The following RALGPS1 variants were observed in gnomAD, a reference collection of about 807,000 sequenced individuals.
RALGPS1 encodes the protein Ral GEF with PH domain and SH3 binding motif 1.
In RALGPS1, 19 loss-of-function variants were observed where a neutral mutation model predicts 78.8. That is an observed-to-expected ratio of 0.24 (90% CI 0.17 to 0.35). The LOEUF (loss-of-function observed/expected upper bound fraction) is 0.35. Ranked by LOEUF, RALGPS1 falls within the 10% of genes least tolerant of loss-of-function variation. The pLI is 1.00. For missense variants in RALGPS1, 454 were observed against 688.3 expected, an observed-to-expected ratio of 0.66 and a Z score of 3.81; for synonymous variants, 228 against 256.3, an observed-to-expected ratio of 0.89 and a Z score of 1.06.
chr9:127,045,762 TACACACACAC>T (rs59773981), intron 5 of RALGPS1, among the ~76,000 whole-genome samples: 6,305 of 137,120 alleles, frequency 0.046, 260 homozygotes, highest in African/African-American at 0.12. Flanking sequence ...CACACACACA[TACACACACAC>T]ACACACACAC....
At chr9:126,924,473 C>A (rs1373128280) in intron 1 of RALGPS1, among the ~76,000 whole-genome samples, 1 of 152,152 alleles carries the variant, frequency 6.6e-6, no homozygotes, top group East Asian at 1.9e-4. Flanking sequence ...AACAGAGAAG[C>A]AGCCTGGTAT....
chr9:127,021,558 A>G (rs552049012), intron 4 of RALGPS1, among the ~76,000 whole-genome samples: 1 of 150,580 alleles, frequency 6.6e-6, no homozygotes, highest in Admixed American at 6.6e-5. Flanking sequence ...CTTCTGTATC[A>G]TGCAGGTTTT....
chr9:127,208,460 C>T (rs1339188102), intron 14 of RALGPS1, among the ~76,000 whole-genome samples: 4 of 152,198 alleles, frequency 2.6e-5, no homozygotes, highest in Non-Finnish European at 5.9e-5. Context: ...CAGAGTCAGA[C>T]AGTCCTGGGT....
intron 8 of RALGPS1, among the ~76,000 whole-genome samples, chr9:127,162,062 A>G (rs752760124): frequency 3.9e-5 from 6 of 152,226 alleles, no homozygotes; most frequent in Non-Finnish European, 8.8e-5. Flanking sequence ...CTCTTCAGCT[A>G]CAAAACGAGG....
At chr9:126,981,599 T>C (rs1208847806) in intron 4 of RALGPS1, among the ~76,000 whole-genome samples, 1 of 152,224 alleles carries the variant, frequency 6.6e-6, no homozygotes, top group Non-Finnish European at 1.5e-5. Context: ...GAGCATTTAC[T>C]GTGTGCAGGC....
chr9:127,161,251 A>G (rs1289567358), intron 8 of RALGPS1, among the ~76,000 whole-genome samples: 3 of 152,208 alleles, frequency 2.0e-5, no homozygotes, highest in African/African-American at 7.2e-5. Context: ...AGCTGGGCTC[A>G]TTCCTCCCAT....
chr9:127,168,528 G>C, intron 9 of RALGPS1, 151 bp from the exon 10 acceptor site: 1 of 643,640 alleles, frequency 1.6e-6, no homozygotes. Flanking sequence ...GCCAGCACAG[G>C]GCCAGTCCCC....
chr9:127,041,678 A>G (rs1007545377), intron 5 of RALGPS1, among the ~76,000 whole-genome samples: 4 of 152,194 alleles, frequency 2.6e-5, no homozygotes, highest in African/African-American at 9.7e-5. Flanking sequence ...TACAGTGACT[A>G]GAAGAGTAGG....
At chr9:126,937,347 A>G (rs2036358674) in intron 1 of RALGPS1, among the ~76,000 whole-genome samples, 1 of 152,200 alleles carries the variant, frequency 6.6e-6, no homozygotes, top group South Asian at 2.1e-4. Context: ...GAGTGGGGAA[A>G]CAAGTGCACT....
At chr9:126,925,451 G>GCT (rs2035176083) in intron 1 of RALGPS1, among the ~76,000 whole-genome samples, 1 of 151,994 alleles carries the variant, frequency 6.6e-6, no homozygotes, top group South Asian at 2.1e-4. Flanking sequence ...GGGAGGCCTA[G>GCT]GCAGGAGAAT....
chr9:127,075,303 CAA>C (rs1174148128), intron 8 of RALGPS1, among the ~76,000 whole-genome samples: 1 of 152,224 alleles, frequency 6.6e-6, no homozygotes, highest in African/African-American at 2.4e-5. Flanking sequence ...CTGACATATA[CAA>C]GTCAGAGGGA....
At chr9:127,031,392 G>A (rs1002458531) in intron 4 of RALGPS1, among the ~76,000 whole-genome samples, 4 of 152,230 alleles carry the variant, frequency 2.6e-5, no homozygotes, top group Admixed American at 6.5e-5. Flanking sequence ...AGACAGAATG[G>A]TCATACTTCT....
At chr9:127,114,285 C>T (rs182245100) in intron 8 of RALGPS1, among the ~76,000 whole-genome samples, 150 of 152,278 alleles carry the variant, frequency 9.9e-4, no homozygotes, top group Non-Finnish European at 1.8e-3. Context: ...AACAGCAAAG[C>T]TGACATTTAT....
chr9:127,115,706 C>T (rs1269854427), intron 8 of RALGPS1, among the ~76,000 whole-genome samples: 1 of 152,226 alleles, frequency 6.6e-6, no homozygotes, highest in Non-Finnish European at 1.5e-5. Context: ...ATGTTACTCA[C>T]TGTTGACTGA....
chr9:127,130,905 C>T (rs1300437379), intron 8 of RALGPS1, among the ~76,000 whole-genome samples: 1 of 152,222 alleles, frequency 6.6e-6, no homozygotes, highest in Non-Finnish European at 1.5e-5. Flanking sequence ...GCCCTGGGGA[C>T]CATGTCATTT....
intron 1 of RALGPS1, among the ~76,000 whole-genome samples, chr9:126,953,966 G>A (rs147236139): frequency 6.6e-6 from 1 of 152,264 alleles, no homozygotes; most frequent in East Asian, 1.9e-4. Context: ...GCCCCAACAT[G>A]CTGGTATCCC....
chr9:126,934,460 G>GTA (rs1286476097), intron 1 of RALGPS1, among the ~76,000 whole-genome samples: 2 of 152,168 alleles, frequency 1.3e-5, no homozygotes, highest in Non-Finnish European at 2.9e-5. Context: ...GCACCCACAG[G>GTA]TATATACTGG....
intron 11 of RALGPS1, among the ~76,000 whole-genome samples, chr9:127,180,551 C>T (rs2060148060): frequency 6.6e-6 from 1 of 152,250 alleles, no homozygotes; most frequent in South Asian, 2.1e-4. Flanking sequence ...TACAGACATA[C>T]TTCACAGGGT....
At position 127,175,514 on chromosome 9, in the gene RALGPS1, G is replaced by A. The variant is rs955519724; in HGVS notation, c.910+732G>A. On this transcript the variant is annotated intron_variant, in intron 11 of 18. Coordinates refer to ENST00000259351, the MANE Select transcript of RALGPS1 (RefSeq NM_014636.3). Reference sequence around the variant, plus strand: ...ACTCATATTCCAACTGACTCTCAACGACAGGAGCTGATCTCCACTGCTGTC... The same window carrying A: ...ACTCATATTCCAACTGACTCTCAACAACAGGAGCTGATCTCCACTGCTGTC... 4.6e-5 allele frequency among the ~76,000 whole-genome samples: 7 copies of A among 152,056 alleles called. 1 individual carries two copies. The highest frequency in any genetic ancestry group is 3.3e-4 in the Admixed American group (5 of 15,288).
Sources: allele counts gnomAD v4.1 joint callset (sites outside exome capture counted in the v4.1 genomes callset), GRCh38; gene constraint gnomAD v4.1.1; transcripts MANE v1.5; gene names NCBI Gene and HGNC (gene_info 2026-07-23, HGNC 2026-07-21).